Variants in PDILT observed in about 807,000 individuals in gnomAD.
The protein encoded by PDILT is protein disulfide isomerase like, testis expressed, also known as protein disulfide-isomerase-like protein of the testis.
In PDILT, 43 loss-of-function variants were observed where a neutral mutation model predicts 53.7. That is an observed-to-expected ratio of 0.80 (90% CI 0.63 to 1.03). PDILT has a LOEUF of 1.03. Among genes scored for constraint, PDILT ranks in the 50% least tolerant of loss-of-function variants. PDILT has a pLI of 0.00. For missense variants in PDILT, 727 were observed against 712.3 expected (o/e 1.02, Z -0.24); for synonymous variants, 282 against 274.2 (o/e 1.03, Z -0.28).
chr16:20,362,417 C>T lies in PDILT; in HGVS notation c.1403G>A (p.Ser468Asn). Residue 468 changes from serine to asparagine, a missense_variant, in exon 10 of 12, where the codon AGC (serine) becomes AAC (asparagine). Ser to Asn is a conservative substitution (Grantham distance 46). Transcript: ENST00000302451. ...AGAGCCCCTCACTTGTTGAGAGCCG[C>T]TGGGGAACAGCCTGAAGAATGGGTA... The part of the protein sequence containing the change: ...DRYPFFRLFP[S>N]GSQQAVLYKG... 1.2e-6 allele frequency: 2 copies of T among 1,614,140 alleles called. No homozygotes were observed. The highest frequency in any genetic ancestry group is 1.7e-6 in the Non-Finnish European group (2 of 1,180,008).
chr16:20,395,252 A>G (rs954868004), intron 2 of PDILT, among the ~76,000 whole-genome samples: 1 of 152,172 alleles, frequency 6.6e-6, no homozygotes, highest in Admixed American at 6.5e-5. Context: ...ACCATTCCAG[A>G]CTTCTCAGTT....
At chr16:20,367,035 C>T (rs1329306055) in intron 8 of PDILT, among the ~76,000 whole-genome samples, 1 of 16,778 alleles carries the variant, frequency 6.0e-5, no homozygotes. Flanking sequence ...TTCTTTCTTT[C>T]TTTCTTTCTT....
rs1348030315 is a variant in PDILT at position 20,365,522 on chromosome 16, C to A, written c.1135G>T (p.Glu379Ter). Residue 379 changes from glutamate (E) to a stop codon, truncating the protein, a stop_gained, in exon 9 of 12, where the codon GAG becomes TAG. Transcript: ENST00000302451. LOFTEE classifies it high-confidence loss of function. Reference protein sequence around the residue: ...KNATKHQSSEEIPKYWDQGLV... With the variant: ...KNATKHQSSE ...CCCTGGTCCCAGTATTTTGGAATCTCTTCACTGGATTGATGTTTCTAGGAA... is the reference window on the plus strand; with the variant it reads ...CCCTGGTCCCAGTATTTTGGAATCTATTCACTGGATTGATGTTTCTAGGAA... 2.5e-6 allele frequency: 4 copies of A among 1,614,046 alleles called. No homozygotes were observed. Among genetic ancestry groups the A allele is most frequent in the Non-Finnish European group, 2.5e-6 (3 of 1,179,998 alleles).
intron 8 of PDILT, among the ~76,000 whole-genome samples, chr16:20,367,071 CTTTCTTTCTTTCTTTCTTTCTTTCT>C (rs1966219596): frequency 8.3e-6 from 1 of 120,502 alleles, no homozygotes; most frequent in African/African-American, 3.3e-5. Context: ...TTCTTTCTTT[CTTTCTTTCTTTCTTTCTTTCTTTCT>C]TTCTTTCTTC....
intron 1 of PDILT, among the ~76,000 whole-genome samples, chr16:20,404,025 T>A (rs1232231489): frequency 2.0e-5 from 3 of 152,220 alleles, no homozygotes; most frequent in Non-Finnish European, 4.4e-5. Context: ...TCATATTTTG[T>A]ATTATTATTT....
intron 7 of PDILT, among the ~76,000 whole-genome samples, chr16:20,371,419 C>T (rs1024213621): frequency 1.3e-5 from 2 of 152,196 alleles, no homozygotes; most frequent in Admixed American, 1.3e-4. Context: ...TTAAAGGCCT[C>T]ACTGTGTGCT....
chr16:20,391,619 A>G (rs866207849), intron 2 of PDILT, among the ~76,000 whole-genome samples: 4 of 152,110 alleles, frequency 2.6e-5, no homozygotes, highest in African/African-American at 9.7e-5. Flanking sequence ...TCATCTATTC[A>G]TTCATTTAAC....
intron 2 of PDILT, chr16:20,385,940 A>C (rs976850690): frequency 6.6e-6 from 1 of 152,198 alleles, no homozygotes; most frequent in East Asian, 1.9e-4. Context: ...CATCTGGTGG[A>C]ACGTCCTGGA....
chr16:20,360,444 C>T, intron 11 of PDILT, 124 bp downstream of exon 11: 1 of 898,698 alleles, frequency 1.1e-6, no homozygotes, highest in Non-Finnish European at 1.8e-6. Flanking sequence ...CTGGATGCTT[C>T]TCCATCCATC....
rs374406950 is a variant in PDILT, at chr16:20,372,993, G to T, written c.792+19C>A. 1.9e-6 allele frequency: 3 copies of T among 1,613,584 alleles called. No individual in the cohort carries two copies. The highest frequency in any genetic ancestry group is 2.5e-6 in the Non-Finnish European group (3 of 1,179,634). ...GTGGCCCCAGCTCCCCTTCCTCCGG[G>T]GACCATTTACTCACTGACCTCAGTG... is the stretch of plus-strand genomic sequence containing the variant. On this transcript the variant is annotated intron_variant, in intron 6 of 11. Coordinates refer to ENST00000302451, the MANE Select transcript of PDILT (RefSeq NM_174924.2).
intron 1 of PDILT, among the ~76,000 whole-genome samples, chr16:20,402,671 G>A (rs758249161): frequency 6.6e-6 from 1 of 152,222 alleles, no homozygotes; most frequent in Non-Finnish European, 1.5e-5. Flanking sequence ...AAGCAAAGAA[G>A]TGAACTACTG....
intron 10 of PDILT, 132 bp from the exon 11 acceptor site, chr16:20,360,789 CT>C: frequency 1.5e-6 from 1 of 670,200 alleles, no homozygotes; most frequent in Non-Finnish European, 2.7e-6. Context: ...CCTAACCTCT[CT>C]TAGCCTCCAG....
At chr16:20,391,063 A>G (rs1966600943) in intron 2 of PDILT, 1 of 154,186 alleles carries the variant, frequency 6.5e-6, no homozygotes. Flanking sequence ...TATCATCAGC[A>G]TAGTTAATAA....
chr16:20,366,904 G>A (rs896559074), intron 8 of PDILT, among the ~76,000 whole-genome samples: 2 of 151,584 alleles, frequency 1.3e-5, no homozygotes, highest in African/African-American at 2.4e-5. Flanking sequence ...TGCAAATCTG[G>A]CTTCTCTCAT....
intron 3 of PDILT, among the ~76,000 whole-genome samples, chr16:20,383,557 C>T (rs1281581531): frequency 1.3e-5 from 2 of 151,602 alleles, no homozygotes; most frequent in Non-Finnish European, 2.9e-5. Context: ...GCGCCTTTCT[C>T]TGGGTCTATC....
intron 2 of PDILT, among the ~76,000 whole-genome samples, chr16:20,392,452 A>T (rs1388349058): frequency 6.6e-6 from 1 of 152,132 alleles, no homozygotes. Flanking sequence ...CCCATTAAGG[A>T]TCTGAGACTG....
chr16:20,391,177 T>G (rs11643772), intron 2 of PDILT: 53,164 of 158,264 alleles, frequency 0.34, 11,108 homozygotes, highest in Non-Finnish European at 0.47. Flanking sequence ...TAGTTAATAA[T>G]CATGATCACC....
rs376582976 is a variant in PDILT, at chr16:20,365,658, AGGAAAGG to A, written c.1117-125_1117-119del. The A allele has an allele frequency of 2.4e-4, 312 of 1,306,468 alleles. 2 individuals carry two copies. In the African/African-American group the frequency reaches 3.6e-3, roughly 15 times the overall value. The allele number at this position is 1,306,468 out of a possible 1,614,324, so 80.9% of individuals were successfully genotyped here. A position where few individuals can be genotyped will look rare whatever the true frequency, so the allele number is the denominator to read the frequency against. On this transcript the variant is annotated intron_variant, in intron 8 of 11. Coordinates refer to ENST00000302451, the MANE Select transcript of PDILT (RefSeq NM_174924.2). ...CTCGTGTTTTTTTCACAAGAGCCTT[AGGAAAGG>A]GTTTGAAATACTGAGATGGATCATG... is the stretch of plus-strand genomic sequence containing the variant.
At chr16:20,388,263 G>A (rs548130691) in intron 2 of PDILT, among the ~76,000 whole-genome samples, 4 of 152,264 alleles carry the variant, frequency 2.6e-5, no homozygotes, top group African/African-American at 9.6e-5. Context: ...ACTGTGCTAA[G>A]TACTTGCTTA....
Sources: gnomAD v4.1 joint callset for allele counts (sites outside exome capture counted in the v4.1 genomes callset) on GRCh38, gnomAD v4.1.1 for gene constraint, MANE v1.5 for transcripts, NCBI Gene and HGNC (gene_info 2026-07-23, HGNC 2026-07-21) for gene names.